Variants in NINL observed in about 807,000 individuals in gnomAD.
NINL encodes ninein like.
A neutral mutation model predicts 160.3 loss-of-function variants in NINL; 153 were observed. The ratio of observed to expected loss-of-function variants is 0.95; its 90% CI spans 0.84 to 1.09. The LOEUF (loss-of-function observed/expected upper bound fraction) is 1.09, where lower values mean the gene tolerates loss of function less well. Ranked by LOEUF, NINL falls within the 50% of genes least tolerant of loss-of-function variation. NINL has a pLI of 0.00. For synonymous variants in NINL, 800 were observed against 734.8 expected (o/e 1.09, Z -1.43); for missense variants, 1,829 against 1,764.0 (o/e 1.04, Z -0.66).
intron 5 of NINL, 143 bp downstream of exon 5, chr20:25,510,530 GA>G (rs2064048549): frequency 1.3e-6 from 1 of 779,460 alleles, no homozygotes. Flanking sequence ...CCTGCAGGAG[GA>G]AGAATCCAGC....
At chr20:25,579,722 C>T (rs1407266882) in intron 1 of NINL, among the ~76,000 whole-genome samples, 2 of 152,190 alleles carry the variant, frequency 1.3e-5, no homozygotes, top group African/African-American at 4.8e-5. Context: ...CTCCCTCTCT[C>T]CATGGATGTG....
intron 1 of NINL, among the ~76,000 whole-genome samples, chr20:25,559,467 T>C (rs1258220770): frequency 6.6e-6 from 1 of 152,136 alleles, no homozygotes; most frequent in East Asian, 1.9e-4. Context: ...TCTGGATCTC[T>C]TGACCTCGTA....
chr20:25,504,152 C>T (rs1269554422), intron 6 of NINL, 48 bp from the exon 7 acceptor site: 7 of 1,523,870 alleles, frequency 4.6e-6, no homozygotes, highest in Non-Finnish European at 6.1e-6. Flanking sequence ...GAGCTCCACC[C>T]AACCGCCCTC....
intron 1 of NINL, among the ~76,000 whole-genome samples, chr20:25,574,570 C>T (rs907934160): frequency 6.6e-6 from 1 of 152,188 alleles, no homozygotes; most frequent in Non-Finnish European, 1.5e-5. Context: ...CCCCACTTTA[C>T]AGGAAGTGTC....
Position 25,504,050 on chromosome 20 carries a change from G to C in NINL, c.763C>G (p.Leu255Val), listed in dbSNP as rs1221426572. The change falls in exon 7 of 24, where the codon CTT becomes GTT. Residue 255 changes from leucine (L) to valine (V), a missense_variant. Coordinates refer to ENST00000278886, the MANE Select transcript of NINL (RefSeq NM_025176.6). ...AAGAGGCCAAGCTGGAATTCCTCAA[G>C]ACTCACTTTGCCGTCTCCGTCTTGA... ...LDQDGDGKVS[L>V]EEFQLGLFSH... The C allele has an allele frequency of 5.0e-6, 8 of 1,609,640 alleles. 1 individual carries two copies. In the South Asian group the frequency reaches 8.9e-5, roughly 18 times the overall value.
chr20:25,521,669 T>A (rs1758254568), intron 2 of NINL, among the ~76,000 whole-genome samples: 1 of 152,208 alleles, frequency 6.6e-6, no homozygotes, highest in African/African-American at 2.4e-5. Context: ...CACAAAGCAG[T>A]ATAATGACTG....
chr20:25,536,062 A>G (rs534749459), intron 1 of NINL, among the ~76,000 whole-genome samples: 1 of 152,346 alleles, frequency 6.6e-6, no homozygotes, highest in Admixed American at 6.5e-5. Context: ...AGCAACAGGG[A>G]TCAGAATGGC....
intron 1 of NINL, among the ~76,000 whole-genome samples, chr20:25,550,641 G>T (rs1043984002): frequency 6.6e-6 from 1 of 152,152 alleles, no homozygotes; most frequent in Non-Finnish European, 1.5e-5. Context: ...TAAGTTTAAG[G>T]AAAGGTGCTG....
chr20:25,573,318 G>A (rs1394359684), intron 1 of NINL, among the ~76,000 whole-genome samples: 5 of 151,220 alleles, frequency 3.3e-5, no homozygotes, highest in Non-Finnish European at 7.4e-5. Flanking sequence ...AAAAATTAAA[G>A]AATAAAATAA....
intron 1 of NINL, among the ~76,000 whole-genome samples, chr20:25,534,584 G>C (rs2064524798): frequency 1.3e-5 from 2 of 152,188 alleles, no homozygotes; most frequent in African/African-American, 4.8e-5. Context: ...TAACACAATG[G>C]TAATCCAAAC....
At chr20:25,480,804 C>CA (rs2063371798) in intron 14 of NINL, among the ~76,000 whole-genome samples, 1 of 152,184 alleles carries the variant, frequency 6.6e-6, no homozygotes, top group South Asian at 2.1e-4. Flanking sequence ...CTGAGACTGA[C>CA]GGGCAGGGAG....
rs552335442 is a variant in NINL at position 25,481,221 on chromosome 20, G to A, written c.1810+747C>T. 6.6e-5 allele frequency among the ~76,000 whole-genome samples: 10 copies of A among 152,278 alleles called. No homozygotes were observed. The East Asian group carries it at 7.7e-4, about 12-fold the overall frequency. ...TCTGAGGGGCTGAGGTTGCCATGAC[G>A]GGGGAGCGAGGGGAGCAGGTGGGGC... On this transcript the variant is annotated intron_variant, in intron 14 of 23. Transcript: ENST00000278886.
Position 25,491,360 on chromosome 20 carries a change from C to T in NINL, c.1476G>A (p.Leu492=). ...CTGGGGATGCCCCTACCTTCAGGGC[C>T]AGGGTCAGCTTCTCGCGGAGGCCAG... ...EEAGLREKLT[L]ALKENSRLQK... is the part of the protein sequence containing the mutation. The change falls in exon 11 of 24, where the codon CTG becomes CTA. Residue 492 remains leucine, a synonymous_variant. Transcript: ENST00000278886. 1.2e-6 allele frequency: 2 copies of T among 1,608,056 alleles called. No homozygotes were observed. The highest frequency in any genetic ancestry group is 2.2e-5 in the South Asian group (2 of 90,938).
intron 2 of NINL, among the ~76,000 whole-genome samples, chr20:25,525,554 T>C (rs1228772533): frequency 6.6e-6 from 1 of 152,148 alleles, no homozygotes; most frequent in Non-Finnish European, 1.5e-5. Context: ...CTTGGGGGAC[T>C]GAGGCGGGAG....
chr20:25,454,147 T>C (rs1030414663), intron 23 of NINL, among the ~76,000 whole-genome samples: 11 of 152,266 alleles, frequency 7.2e-5, no homozygotes, highest in African/African-American at 2.4e-4. Context: ...TGCTGGGCTA[T>C]GTGATGGAGA....
At chr20:25,572,158 T>C (rs923250047) in intron 1 of NINL, among the ~76,000 whole-genome samples, 5 of 151,790 alleles carry the variant, frequency 3.3e-5, no homozygotes, top group Admixed American at 3.3e-4. Context: ...TCTGTTCCTT[T>C]AAGTTGCCTA....
chr20:25,511,642 T>C (rs2064071629), intron 4 of NINL, among the ~76,000 whole-genome samples: 1 of 152,120 alleles, frequency 6.6e-6, no homozygotes, highest in South Asian at 2.1e-4. Context: ...TCAAAGATGA[T>C]TTAAGAAGCA....
Position 25,453,650 on chromosome 20 carries a change from GGGGAGGAAGCCATGCTT to G in NINL, c.3958-25_3958-9del, listed in dbSNP as rs771219915. 1.3e-6 allele frequency: 2 copies of G among 1,593,558 alleles called. No homozygotes were observed. Among genetic ancestry groups the G allele is most frequent in the Non-Finnish European group, 1.7e-6 (2 of 1,169,114 alleles). ...CTTCGTGTTCTTTTCAAACTAGAGA[GGGGAGGAAGCCATGCTT>G]TGCATGAGGCCGGTGGAGAAACGCT... On this transcript the variant is annotated splice_polypyrimidine_tract_variant and intron_variant, in intron 23 of 23. Coordinates refer to ENST00000278886, the MANE Select transcript of NINL (RefSeq NM_025176.6).
intron 1 of NINL, among the ~76,000 whole-genome samples, chr20:25,566,420 A>G (rs1339240398): frequency 1.4e-5 from 2 of 147,538 alleles, no homozygotes; most frequent in South Asian, 2.1e-4. Flanking sequence ...TAAAGTCAAG[A>G]AAAAAAAAAA....
Sources: gnomAD v4.1 joint callset for allele counts (sites outside exome capture counted in the v4.1 genomes callset) on GRCh38, gnomAD v4.1.1 for gene constraint, MANE v1.5 for transcripts, NCBI Gene and HGNC (gene_info 2026-07-23, HGNC 2026-07-21) for gene names.